IAPP: variants seen among roughly 807,000 people sequenced by gnomAD.
IAPP encodes Islet amyloid polypeptide (diabetes-associated peptide; amylin).
Under a neutral mutation model 2.9 loss-of-function variants are expected in IAPP, and 4 were observed. The observed-to-expected ratio is 1.39, with a 90% CI of 0.69 to 3.19. The LOEUF (loss-of-function observed/expected upper bound fraction) is 3.19. Among genes scored for constraint, IAPP ranks in the 30% most tolerant of loss-of-function variants. The pLI, the probability that IAPP is intolerant of heterozygous loss-of-function variation, is 0.01. For missense variants in IAPP, 114 were observed against 105.3 expected (o/e 1.08, Z -0.36); for synonymous variants, 40 against 42.1 (o/e 0.95, Z 0.19).
chr12:21,361,438 C>T (rs1938870376), intron 1 of IAPP, among the ~76,000 whole-genome samples: 1 of 152,128 alleles, frequency 6.6e-6, no homozygotes, highest in Non-Finnish European at 1.5e-5. Flanking sequence ...TGGGGAGAAA[C>T]CAGAGCAGAA....
chr12:21,377,767 G>T (rs1940308953), intron 2 of IAPP, among the ~76,000 whole-genome samples: 2 of 152,082 alleles, frequency 1.3e-5, no homozygotes, highest in African/African-American at 4.8e-5. Flanking sequence ...TAACACTCCT[G>T]ATTCAATTAT....
intron 2 of IAPP, chr12:21,376,427 T>G: frequency 4.6e-6 from 1 of 215,918 alleles, no homozygotes; most frequent in Non-Finnish European, 1.0e-5. Flanking sequence ...AAAGCATAAA[T>G]CACTCTTTTG....
intron 1 of IAPP, among the ~76,000 whole-genome samples, chr12:21,362,280 T>C (rs1938968853): frequency 6.6e-6 from 1 of 152,104 alleles, no homozygotes; most frequent in Non-Finnish European, 1.5e-5. Context: ...CAACCCAGAA[T>C]TTCATACCCA....
intron 1 of IAPP, among the ~76,000 whole-genome samples, chr12:21,367,301 A>T (rs1364882122): frequency 6.6e-6 from 1 of 152,180 alleles, no homozygotes; most frequent in Admixed American, 6.5e-5. Context: ...TTCCATCAAA[A>T]TAAGGACATA....
intron 2 of IAPP, among the ~76,000 whole-genome samples, chr12:21,376,779 T>C (rs1940227091): frequency 6.6e-6 from 1 of 152,060 alleles, no homozygotes; most frequent in Admixed American, 6.6e-5. Flanking sequence ...GATAAATCCA[T>C]TGCATTTGAG....
At chr12:21,362,486 A>C (rs1334491113) in intron 1 of IAPP, among the ~76,000 whole-genome samples, 1 of 152,216 alleles carries the variant, frequency 6.6e-6, no homozygotes, top group East Asian at 1.9e-4. Context: ...AGGAAACTGC[A>C]TCAACTAATG....
rs556230207 is a variant in IAPP at position 21,372,988 on chromosome 12, C to T, written c.-32C>T. 180 of 261,040 alleles carry T rather than the reference C, an allele frequency of 6.9e-4. No individual in the cohort carries two copies. Among genetic ancestry groups the T allele is most frequent in the African/African-American group, 4.0e-3 (172 of 43,234 alleles). The allele number at this position is 261,040 out of a possible 1,614,324, so 16.2% of individuals were successfully genotyped here. On this transcript the variant is annotated 5_prime_UTR_variant, in exon 1 of 3. Coordinates refer to ENST00000240652, the MANE Select transcript of IAPP (RefSeq NM_000415.3). ...CAGAAGCATTTGCTGATATTGCTGA[C>T]ATTGAAACATTAAAAGGTAAAGAAT...
At chr12:21,363,912 A>G (rs1939151524) in intron 1 of IAPP, among the ~76,000 whole-genome samples, 2 of 152,164 alleles carry the variant, frequency 1.3e-5, no homozygotes, top group African/African-American at 4.8e-5. Context: ...TTAATAGCCT[A>G]CCAACCAAAA....
intron 1 of IAPP, among the ~76,000 whole-genome samples, chr12:21,366,452 A>C (rs958956306): frequency 6.6e-6 from 1 of 152,134 alleles, no homozygotes; most frequent in African/African-American, 2.4e-5. Context: ...GTAAATGACG[A>C]GTTGACGGGT....
intron 1 of IAPP, among the ~76,000 whole-genome samples, chr12:21,367,286 A>C (rs948878968): frequency 6.6e-6 from 1 of 152,198 alleles, no homozygotes; most frequent in Non-Finnish European, 1.5e-5. Context: ...CTACTGCAGT[A>C]TATGTTCCAT....
chr12:21,360,894 G>A (rs534250682), intron 1 of IAPP, among the ~76,000 whole-genome samples: 2 of 152,140 alleles, frequency 1.3e-5, no homozygotes, highest in African/African-American at 4.8e-5. Context: ...CTAGGAACTC[G>A]AACTCGGTGG....
At chr12:21,360,307 T>G (rs936658572) in intron 1 of IAPP, among the ~76,000 whole-genome samples, 24 of 152,234 alleles carry the variant, frequency 1.6e-4, no homozygotes. Context: ...GTGCAGTTTA[T>G]TGAATTTTGA....
At chr12:21,358,086 AG>A (rs1938517218) in intron 1 of IAPP, among the ~76,000 whole-genome samples, 2 of 152,138 alleles carry the variant, frequency 1.3e-5, no homozygotes, top group South Asian at 4.1e-4. Flanking sequence ...TGGTAAAAGG[AG>A]ATATGAAAAG....
intron 1 of IAPP, among the ~76,000 whole-genome samples, chr12:21,363,754 G>A (rs1939135442): frequency 6.6e-6 from 1 of 152,150 alleles, no homozygotes; most frequent in Non-Finnish European, 1.5e-5. Flanking sequence ...TACTATCAGA[G>A]AATACTATAA....
intron 1 of IAPP, among the ~76,000 whole-genome samples, chr12:21,359,878 A>G (rs1938687951): frequency 6.6e-6 from 1 of 152,248 alleles, no homozygotes; most frequent in Admixed American, 6.5e-5. Context: ...ATAGCCTCAA[A>G]CTAGAAACAA....
intron 2 of IAPP, among the ~76,000 whole-genome samples, chr12:21,375,908 A>C (rs898516488): frequency 3.8e-5 from 4 of 105,154 alleles, no homozygotes; most frequent in Non-Finnish European, 8.8e-5. Context: ...GTCAATGAGA[A>C]AAAAATGCCT....
chr12:21,369,206 T>C (rs1939608620), upstream of IAPP, among the ~76,000 whole-genome samples: 2 of 152,216 alleles, frequency 1.3e-5, no homozygotes, highest in Non-Finnish European at 2.9e-5. Context: ...TTATGAATTA[T>C]ATCCTGACAC....
upstream of IAPP, chr12:21,372,886 T>C (rs772597027): frequency 1.0e-5 from 2 of 197,066 alleles, no homozygotes; most frequent in Non-Finnish European, 2.1e-5. Context: ...AAGAGCTGGA[T>C]TACTAGTTAG....
At chr12:21,374,618 G>A (rs1940052854) in intron 2 of IAPP, 1 of 146,936 alleles carries the variant, frequency 6.8e-6, no homozygotes, top group Non-Finnish European at 1.5e-5. Flanking sequence ...AGAACTGACT[G>A]TAATTTTCTA....
Sources: gnomAD v4.1 joint callset for allele counts (sites outside exome capture counted in the v4.1 genomes callset) on GRCh38, gnomAD v4.1.1 for gene constraint, MANE v1.5 for transcripts, NCBI Gene and HGNC (gene_info 2026-07-23, HGNC 2026-07-21) for gene names.